Variants in RERG observed in about 807,000 individuals in gnomAD.
RERG encodes RAS like estrogen regulated growth inhibitor, also known as ras-related and estrogen-regulated growth inhibitor.
RERG carries 25 observed loss-of-function variants against 23.2 expected under a neutral mutation model. The observed-to-expected ratio is 1.08, with a 90% confidence interval of 0.79 to 1.50. The LOEUF is 1.50. RERG is among the 40% of genes most tolerant of loss of function. The pLI is 0.00. For synonymous variants in RERG, 81 were observed against 89.1 expected (o/e 0.91, Z 0.51); for missense variants, 253 against 250.1 (o/e 1.01, Z -0.08).
chr12:15,189,957 A>G (rs1865046720), intron 2 of RERG, among the ~76,000 whole-genome samples: 1 of 152,226 alleles, frequency 6.6e-6, no homozygotes, highest in South Asian at 2.1e-4. Flanking sequence ...TGCTATTTTC[A>G]TAATTCTCTA....
intron 2 of RERG, among the ~76,000 whole-genome samples, chr12:15,176,369 A>G (rs1025400509): frequency 6.6e-6 from 1 of 152,164 alleles, no homozygotes; most frequent in Non-Finnish European, 1.5e-5. Flanking sequence ...CGTGTTATAT[A>G]GAGGGCTGAA....
intron 2 of RERG, 45 bp downstream of exon 2, chr12:15,217,384 C>T (rs2136151562): frequency 2.3e-6 from 3 of 1,289,494 alleles, no homozygotes; most frequent in South Asian, 1.2e-5. Context: ...AAGAAACACA[C>T]TCACCCACAC....
At chr12:15,215,927 A>T (rs563257557) in intron 2 of RERG, among the ~76,000 whole-genome samples, 1 of 152,214 alleles carries the variant, frequency 6.6e-6, no homozygotes, top group South Asian at 2.1e-4. Flanking sequence ...TTTATGTTTG[A>T]CTTCTTAAAT....
chr12:15,162,097 G>A (rs972608799), intron 2 of RERG, among the ~76,000 whole-genome samples: 10 of 152,150 alleles, frequency 6.6e-5, no homozygotes, highest in African/African-American at 2.2e-4. Context: ...TGAAAAATGA[G>A]ACTACTGCCT....
At chr12:15,218,434 T>C (rs546890490) in intron 1 of RERG, among the ~76,000 whole-genome samples, 1 of 148,528 alleles carries the variant, frequency 6.7e-6, no homozygotes, top group East Asian at 2.0e-4. Flanking sequence ...GTGGGGGTCA[T>C]CTGAAGAAAT....
At chr12:15,155,397 G>A (rs1238984903) in intron 2 of RERG, 2 of 152,244 alleles carry the variant, frequency 1.3e-5, no homozygotes, top group Non-Finnish European at 2.9e-5. Flanking sequence ...GTCCTTCTGA[G>A]CTGTGTTTCC....
At chr12:15,115,380 G>C (rs1863701323) in intron 3 of RERG, among the ~76,000 whole-genome samples, 1 of 152,118 alleles carries the variant, frequency 6.6e-6, no homozygotes, top group South Asian at 2.1e-4. Flanking sequence ...AGTCAGGGAA[G>C]ACCAGCTTTG....
chr12:15,203,850 T>G (rs1865249877), intron 2 of RERG, among the ~76,000 whole-genome samples: 1 of 151,472 alleles, frequency 6.6e-6, no homozygotes, highest in Non-Finnish European at 1.5e-5. Flanking sequence ...TGGGGAAAAC[T>G]TAAAAACTTA....
At chr12:15,136,196 A>G (rs1178887164) in intron 2 of RERG, among the ~76,000 whole-genome samples, 1 of 152,042 alleles carries the variant, frequency 6.6e-6, no homozygotes, top group Non-Finnish European at 1.5e-5. Flanking sequence ...ATTTGCCCAT[A>G]TAGTATTCCT....
At chr12:15,189,151 T>C (rs1231833036) in intron 2 of RERG, among the ~76,000 whole-genome samples, 4 of 152,208 alleles carry the variant, frequency 2.6e-5, no homozygotes, top group African/African-American at 4.8e-5. Context: ...TTTCTTAGCA[T>C]AGAAATTATA....
chr12:15,166,975 T>C (rs556717709), intron 2 of RERG, among the ~76,000 whole-genome samples: 1 of 152,300 alleles, frequency 6.6e-6, no homozygotes, highest in South Asian at 2.1e-4. Flanking sequence ...TTTTGCTATA[T>C]GTTCATGTGC....
At chr12:15,203,061 T>G (rs1297707414) in intron 2 of RERG, among the ~76,000 whole-genome samples, 3 of 151,860 alleles carry the variant, frequency 2.0e-5, no homozygotes, top group Admixed American at 6.6e-5. Context: ...CCCTGATGAC[T>G]AGTGATGTTG....
At position 15,109,389 on chromosome 12, in the gene RERG, C is replaced by G; in HGVS notation, c.321G>C (p.Lys107Asn). The G allele has an allele frequency of 6.2e-7, 1 of 1,614,054 alleles. No individual in the cohort carries two copies. The highest frequency in any genetic ancestry group is 1.1e-5 in the South Asian group (1 of 91,076). ...PLKNILDEIK[K>N]PKNVTLILVG... Reference sequence around the variant, plus strand: ...CCAAGATGAGAGTCACATTCTTGGGCTTTTTGATCTCATCTAGGATGTTCT... The same window carrying G: ...CCAAGATGAGAGTCACATTCTTGGGGTTTTTGATCTCATCTAGGATGTTCT... Residue 107 changes from lysine to asparagine, a missense_variant, in exon 5 of 5, where the codon AAG (lysine) becomes AAC (asparagine). By Grantham distance (94) the Lys-to-Asn change is moderately conservative. Coordinates refer to ENST00000256953, the MANE Select transcript of RERG (RefSeq NM_032918.3).
chr12:15,154,060 C>T (rs979461116), intron 2 of RERG, among the ~76,000 whole-genome samples: 7 of 152,164 alleles, frequency 4.6e-5, no homozygotes, highest in African/African-American at 1.7e-4. Context: ...TCCTCCCTTA[C>T]AGACTTTGGA....
intron 2 of RERG, among the ~76,000 whole-genome samples, chr12:15,129,639 G>A (rs1364377688): frequency 6.6e-6 from 1 of 152,058 alleles, no homozygotes; most frequent in Non-Finnish European, 1.5e-5. Flanking sequence ...TTTAGGAAGA[G>A]CATTTCAAGC....
rs530080208 is a variant in RERG at position 15,163,441 on chromosome 12, T to C, written c.62-42322A>G. 1.4e-4 allele frequency among the ~76,000 whole-genome samples: 22 copies of C among 152,246 alleles called. 1 individual carries two copies. Among genetic ancestry groups the C allele is most frequent in the Admixed American group, 2.6e-4 (4 of 15,296 alleles). ...CATGAATGTGAAGAATTGGGTTACA[T>C]AGGGGAAGTGTTTCCAGTAGCGGAT... is the stretch of plus-strand genomic sequence containing the variant. On this transcript the variant is annotated intron_variant, in intron 2 of 4. Coordinates refer to ENST00000256953, the MANE Select transcript of RERG (RefSeq NM_032918.3).
chr12:15,163,993 C>T (rs1379595885), intron 2 of RERG, among the ~76,000 whole-genome samples: 1 of 152,104 alleles, frequency 6.6e-6, no homozygotes, highest in East Asian at 1.9e-4. Context: ...CTGCTACTAC[C>T]TCACATTGGC....
intron 3 of RERG, among the ~76,000 whole-genome samples, chr12:15,114,123 T>C (rs771533234): frequency 3.9e-5 from 6 of 152,140 alleles, no homozygotes; most frequent in Non-Finnish European, 8.8e-5. Context: ...CTAGGGCATA[T>C]ATTAAAAGTA....
chr12:15,117,675 G>GCACACA (rs3084648), intron 3 of RERG, among the ~76,000 whole-genome samples: 23 of 145,138 alleles, frequency 1.6e-4, no homozygotes, highest in South Asian at 4.3e-4. Flanking sequence ...TCACACACGC[G>GCACACA]CACACACACA....
Sources: allele counts gnomAD v4.1 joint callset (sites outside exome capture counted in the v4.1 genomes callset), GRCh38; gene constraint gnomAD v4.1.1; transcripts MANE v1.5; gene names NCBI Gene and HGNC (gene_info 2026-07-23, HGNC 2026-07-21).